KCNIP4: variants seen among roughly 807,000 people sequenced by gnomAD.
KCNIP4 encodes potassium voltage-gated channel interacting protein 4.
KCNIP4 carries 12 observed loss-of-function variants against 34.0 expected under a neutral mutation model. That is an observed-to-expected ratio of 0.35 (90% CI 0.23 to 0.57). The LOEUF (loss-of-function observed/expected upper bound fraction) is 0.57, where lower values mean the gene tolerates loss of function less well. Ranked by LOEUF, KCNIP4 falls within the 20% of genes least tolerant of loss-of-function variation. The probability of loss-of-function intolerance (pLI) is 0.83; values close to 1 mark genes in which losing one functional copy is unlikely to be tolerated. For synonymous variants in KCNIP4, 124 were observed against 102.2 expected (o/e 1.21, Z -1.29); for missense variants, 238 against 311.7 (o/e 0.76, Z 1.78).
rs189755040 is a variant in KCNIP4, at chr4:21,451,097, G to A, written c.61+497474C>T. 2.1e-3 allele frequency among the ~76,000 whole-genome samples: 325 copies of A among 152,202 alleles called. 2 individuals carry two copies. The highest frequency in any genetic ancestry group is 3.4e-3 in the Middle Eastern group (1 of 294). On this transcript the variant is annotated intron_variant, in intron 1 of 8. Coordinates refer to ENST00000382152, the MANE Select transcript of KCNIP4 (RefSeq NM_025221.6). ...CATTGAGAACAACAAAAAAATTGGG[G>A]TAATGGAAATTCAATGTCCTAGTCA...
Position 21,330,802 on chromosome 4 carries a change from A to C in KCNIP4, c.62-448093T>G, listed in dbSNP as rs141436018. Among the ~76,000 whole-genome samples the C allele has an allele frequency of 2.6e-5, 4 of 152,108 alleles. No homozygotes were observed. The East Asian group carries it at 7.7e-4, about 29-fold the overall frequency. ...AAATGAATTTTAGCAGAATTTTCCA[A>C]CTCCAGCCTCAGTTGTTTCTTTTTG... is the stretch of plus-strand genomic sequence containing the variant. On this transcript the variant is annotated intron_variant, in intron 1 of 8. Transcript: ENST00000382152.
intron 1 of KCNIP4, among the ~76,000 whole-genome samples, chr4:21,268,435 A>T (rs1435338732): frequency 6.6e-6 from 1 of 152,156 alleles, no homozygotes; most frequent in East Asian, 1.9e-4. Context: ...TCCCGTTTTA[A>T]TATTTTGTTA....
intron 1 of KCNIP4, among the ~76,000 whole-genome samples, chr4:21,467,119 A>C (rs658120): frequency 0.038 from 3,033 of 79,586 alleles, 30 homozygotes; most frequent in Middle Eastern, 0.073. Context: ...CACACACACA[A>C]AACAGAACAT....
At chr4:21,588,817 T>TA (rs1380932681) in intron 1 of KCNIP4, among the ~76,000 whole-genome samples, 2 of 151,816 alleles carry the variant, frequency 1.3e-5, no homozygotes, top group Admixed American at 1.3e-4. Context: ...ATTTTTTTTG[T>TA]ATATCATAGT....
chr4:21,061,599 G>A (rs1273528389), intron 1 of KCNIP4, among the ~76,000 whole-genome samples: 1 of 152,000 alleles, frequency 6.6e-6, no homozygotes, highest in Non-Finnish European at 1.5e-5. Flanking sequence ...TAATCAAGCT[G>A]GAACCCTGCC....
At position 21,307,681 on chromosome 4, in the gene KCNIP4, C is replaced by G. The variant is rs1045124372; in HGVS notation, c.62-424972G>C. 5.9e-5 allele frequency among the ~76,000 whole-genome samples: 9 copies of G among 152,286 alleles called. No individual in the cohort carries two copies. In the South Asian group the frequency reaches 1.9e-3, roughly 32 times the overall value. On this transcript the variant is annotated intron_variant, in intron 1 of 8. Transcript: ENST00000382152. ...TCTCACCTAAAAAGCTACCTGCTCT[C>G]TCACTGATCTGGCAGAGCCCAATTT...
At chr4:21,025,206 G>T (rs952601353) in intron 1 of KCNIP4, among the ~76,000 whole-genome samples, 1 of 152,106 alleles carries the variant, frequency 6.6e-6, no homozygotes, top group Admixed American at 6.6e-5. Flanking sequence ...TTTAGGGTTT[G>T]TCTGACCCCC....
intron 1 of KCNIP4, among the ~76,000 whole-genome samples, chr4:21,319,060 A>T (rs138515896): frequency 1.3e-5 from 2 of 152,348 alleles, no homozygotes; most frequent in African/African-American, 2.4e-5. Context: ...GAACTTATGA[A>T]ATAAGTTGGA....
At chr4:20,816,684 T>A (rs1305946444) in intron 3 of KCNIP4, among the ~76,000 whole-genome samples, 2 of 152,324 alleles carry the variant, frequency 1.3e-5, no homozygotes, top group Middle Eastern at 3.4e-3. Flanking sequence ...TAGGAAAGAT[T>A]TTGCCTTTTG....
intron 1 of KCNIP4, among the ~76,000 whole-genome samples, chr4:21,585,957 GTC>G (rs1560537405): frequency 1.3e-5 from 2 of 152,032 alleles, no homozygotes; most frequent in Non-Finnish European, 1.5e-5. Context: ...TAAAAAGAGA[GTC>G]TCTATCCTTT....
At chr4:20,770,928 C>A (rs1755816157) in intron 3 of KCNIP4, among the ~76,000 whole-genome samples, 1 of 151,584 alleles carries the variant, frequency 6.6e-6, no homozygotes, top group African/African-American at 2.4e-5. Flanking sequence ...GAGCGAGACT[C>A]CATCTCAATA....
At chr4:21,376,107 C>G (rs1720939252) in intron 1 of KCNIP4, among the ~76,000 whole-genome samples, 1 of 152,134 alleles carries the variant, frequency 6.6e-6, no homozygotes, top group Admixed American at 6.5e-5. Context: ...AAAAGAAAAG[C>G]ACAGAAATAT....
intron 1 of KCNIP4, among the ~76,000 whole-genome samples, chr4:21,173,259 G>C (rs75141702): frequency 6.6e-6 from 1 of 151,888 alleles, no homozygotes; most frequent in African/African-American, 2.4e-5. Context: ...AAAAGTGCTA[G>C]GTTTGGGGGA....
At chr4:21,781,619 T>C (rs1331713941) in intron 1 of KCNIP4, among the ~76,000 whole-genome samples, 3 of 152,006 alleles carry the variant, frequency 2.0e-5, no homozygotes, top group Non-Finnish European at 1.5e-5. Context: ...AGAAAGGAAA[T>C]ACTAAACAAA....
At chr4:21,676,504 A>G (rs1749910969) in intron 1 of KCNIP4, among the ~76,000 whole-genome samples, 1 of 152,186 alleles carries the variant, frequency 6.6e-6, no homozygotes, top group African/African-American at 2.4e-5. Flanking sequence ...CAGCAGAGAT[A>G]TTTCACACTT....
intron 2 of KCNIP4, among the ~76,000 whole-genome samples, chr4:20,876,688 C>T (rs925229706): frequency 6.6e-6 from 1 of 152,094 alleles, no homozygotes; most frequent in African/African-American, 2.4e-5. Context: ...GATTCTCCTG[C>T]CTCAGCCTTC....
chr4:21,620,183 A>G (rs1378985521), intron 1 of KCNIP4, among the ~76,000 whole-genome samples: 1 of 152,152 alleles, frequency 6.6e-6, no homozygotes, highest in Non-Finnish European at 1.5e-5. Flanking sequence ...GAGAGTGAAG[A>G]TCAAAAGAGT....
At chr4:20,930,562 A>T (rs999959996) in intron 1 of KCNIP4, among the ~76,000 whole-genome samples, 2 of 152,096 alleles carry the variant, frequency 1.3e-5, no homozygotes, top group Admixed American at 6.5e-5. Flanking sequence ...CAATCAACCA[A>T]ATAAAAAGGC....
intron 1 of KCNIP4, among the ~76,000 whole-genome samples, chr4:21,594,245 T>C (rs1229298067): frequency 6.6e-6 from 1 of 152,132 alleles, no homozygotes; most frequent in Non-Finnish European, 1.5e-5. Context: ...TGTTAGGATA[T>C]TATTATAGAG....
Sources: allele counts gnomAD v4.1 joint callset (sites outside exome capture counted in the v4.1 genomes callset), GRCh38; gene constraint gnomAD v4.1.1; transcripts MANE v1.5; gene names NCBI Gene and HGNC (gene_info 2026-07-23, HGNC 2026-07-21).